The following CDCP2 variants were observed in gnomAD, a reference collection of about 807,000 sequenced individuals.
CDCP2 encodes the protein CUB domain-containing protein 2.
Under a neutral mutation model 31.0 loss-of-function variants are expected in CDCP2, and 31 were observed. The ratio of observed to expected loss-of-function variants is 1.00; its 90% CI spans 0.75 to 1.35. The LOEUF (loss-of-function observed/expected upper bound fraction) is 1.35. CDCP2 is among the 40% of genes most tolerant of loss of function. The pLI is 0.00. For missense variants in CDCP2, 443 were observed against 482.6 expected, an observed-to-expected ratio of 0.92 and a Z score of 0.77; for synonymous variants, 206 against 207.9, an observed-to-expected ratio of 0.99 and a Z score of 0.08.
At chr1:54,141,640 C>T (rs953023525) in intron 2 of CDCP2, 8 of 536,492 alleles carry the variant, frequency 1.5e-5, no homozygotes, top group Non-Finnish European at 2.6e-5. Context: ...TTCAAATCCT[C>T]AGAGTAGCCG....
At chr1:54,151,980 G>A (rs1659591522) in intron 1 of CDCP2, among the ~76,000 whole-genome samples, 2 of 152,160 alleles carry the variant, frequency 1.3e-5, no homozygotes, top group South Asian at 4.1e-4. Flanking sequence ...ATCCCTGAGG[G>A]TGAAGCAGAA....
intron 5 of CDCP2, among the ~76,000 whole-genome samples, chr1:54,134,770 C>G (rs935312241): frequency 1.8e-4 from 28 of 151,380 alleles, no homozygotes; most frequent in African/African-American, 6.8e-4. Flanking sequence ...GAGTCTTGCT[C>G]TGTTGCCCAG....
rs879256492 is a variant in CDCP2, at chr1:54,148,370, G to GAA, written c.80-3559_80-3558dup. Among the ~76,000 whole-genome samples the GAA allele has an allele frequency of 6.8e-4, 87 of 127,396 alleles. 2 individuals are homozygous for GAA. The highest frequency in any genetic ancestry group is 2.5e-3 in the African/African-American group (84 of 33,342). 83.6% of individuals were successfully genotyped at this position (127,396 alleles called of 152,430 possible). ...CAACCTCTAAAAAAAAAGAAAAAAA[G>GAA]AAAAAAAAAATTCACTTCAGCTGAC... On this transcript the variant is annotated intron_variant, in intron 1 of 5. Coordinates refer to ENST00000530059, the Ensembl canonical transcript of CDCP2.
chr1:54,134,925 G>A (rs1381461473), intron 5 of CDCP2, among the ~76,000 whole-genome samples: 1 of 152,016 alleles, frequency 6.6e-6, no homozygotes, highest in Non-Finnish European at 1.5e-5. Flanking sequence ...TAGTAGAGAC[G>A]AGGTTTCATC....
chr1:54,135,990 G>A (rs1276113543), intron 5 of CDCP2, among the ~76,000 whole-genome samples: 1 of 152,172 alleles, frequency 6.6e-6, no homozygotes, highest in Non-Finnish European at 1.5e-5. Context: ...GGGTGCTTGA[G>A]CCACTGCCCA....
Position 54,150,234 on chromosome 1 carries a change from G to A in CDCP2, c.79+2610C>T, listed in dbSNP as rs75911731. ...TCTGGTCCCTTGACTGGGAGGGGGA[G>A]CCCTGGGGGTGGAACAAGGTCCATA... is the stretch of plus-strand genomic sequence containing the variant. On this transcript the variant is annotated intron_variant, in intron 1 of 5. Transcript: ENST00000530059. 3.4e-3 allele frequency among the ~76,000 whole-genome samples: 521 copies of A among 152,310 alleles called. 26 individuals carry two copies. In the East Asian group the frequency reaches 0.082, roughly 24 times the overall value.
intron 5 of CDCP2, among the ~76,000 whole-genome samples, chr1:54,134,681 T>TGAAC (rs1659227124): frequency 6.6e-6 from 1 of 152,172 alleles, no homozygotes; most frequent in African/African-American, 2.4e-5. Flanking sequence ...GGGGAAGGGT[T>TGAAC]GAACAGGTGT....
exon 4 of CDCP2, chr1:54,140,048 G>A (rs148335888): frequency 3.2e-5 from 51 of 1,613,694 alleles, no homozygotes; most frequent in Non-Finnish European, 4.2e-5. Context: ...GGTAGGAGCT[G>A]GGGTACTGTG....
intron 2 of CDCP2, chr1:54,143,802 G>A (rs1365962123): frequency 6.6e-6 from 1 of 152,258 alleles, no homozygotes; most frequent in African/African-American, 2.4e-5. Context: ...AGAACCTGGA[G>A]ACAAGGATGA....
chr1:54,145,892 A>G (rs1167978767), intron 1 of CDCP2, among the ~76,000 whole-genome samples: 1 of 152,194 alleles, frequency 6.6e-6, no homozygotes, highest in Non-Finnish European at 1.5e-5. Flanking sequence ...ACCCCTAAAT[A>G]TCCCAAACTG....
chr1:54,133,342 A>C (rs2100416555), intron 5 of CDCP2, 48 bp from the exon 6 acceptor site: 1 of 398,698 alleles, frequency 2.5e-6, no homozygotes, highest in Non-Finnish European at 4.4e-6. Flanking sequence ...CTTGGGCTGA[A>C]CTTGTTTCCC....
At chr1:54,141,297 C>T in exon 3 of CDCP2, 1 of 1,614,246 alleles carries the variant, frequency 6.2e-7, no homozygotes, top group Non-Finnish European at 8.5e-7. Context: ...CCTGGAAGTC[C>T]ACGAACACCA....
exon 3 of CDCP2, chr1:54,141,248 C>A: frequency 5.6e-6 from 9 of 1,614,174 alleles, no homozygotes; most frequent in Non-Finnish European, 7.6e-6. Context: ...CCCCCAAGCA[C>A]AGCCACGTAG....
chr1:54,150,193 T>A (rs1291994206), intron 1 of CDCP2, among the ~76,000 whole-genome samples: 1 of 152,244 alleles, frequency 6.6e-6, no homozygotes, highest in Non-Finnish European at 1.5e-5. Context: ...AATGCCCAGA[T>A]AGGGGTTCTT....
intron 1 of CDCP2, among the ~76,000 whole-genome samples, chr1:54,150,883 T>C (rs1659572354): frequency 6.6e-6 from 1 of 152,224 alleles, no homozygotes; most frequent in Non-Finnish European, 1.5e-5. Context: ...TCGCTAAACA[T>C]GTGCCCTGTA....
intron 1 of CDCP2, among the ~76,000 whole-genome samples, chr1:54,145,110 A>G (rs1006332250): frequency 6.6e-6 from 1 of 152,164 alleles, no homozygotes; most frequent in African/African-American, 2.4e-5. Flanking sequence ...GGGAAGACAG[A>G]CAATAAACAT....
intron 4 of CDCP2, among the ~76,000 whole-genome samples, chr1:54,137,563 T>G (rs1438638082): frequency 1.3e-5 from 2 of 152,116 alleles, no homozygotes; most frequent in Non-Finnish European, 2.9e-5. Context: ...GTCGACAGGA[T>G]TTCAGAGTTC....
At chr1:54,141,625 G>T in intron 2 of CDCP2, 192 bp from the exon 3 acceptor site, 2 of 554,120 alleles carry the variant, frequency 3.6e-6, no homozygotes, top group Non-Finnish European at 3.2e-6. Context: ...CACCTATGCT[G>T]CCTGTTCAAA....
chr1:54,140,411 T>G, intron 3 of CDCP2: 1 of 438,294 alleles, frequency 2.3e-6, no homozygotes, highest in Non-Finnish European at 4.2e-6. Context: ...GTCCTCAGAG[T>G]TACCTCTGAA....
Sources: gnomAD v4.1 joint callset for allele counts (sites outside exome capture counted in the v4.1 genomes callset) on GRCh38, gnomAD v4.1.1 for gene constraint, MANE v1.5 for transcripts, NCBI Gene and HGNC (gene_info 2026-07-23, HGNC 2026-07-21) for gene names.